The following ZBTB37 variants were observed in gnomAD, a reference collection of about 807,000 sequenced individuals.
The protein encoded by ZBTB37 is zinc finger and BTB domain containing 37, also known as zinc finger and BTB domain-containing protein 37.
ZBTB37 carries 15 observed loss-of-function variants against 37.7 expected under a neutral mutation model. The observed-to-expected ratio is 0.40, with a 90% CI of 0.27 to 0.61. The LOEUF (loss-of-function observed/expected upper bound fraction) is 0.61. ZBTB37 is among the 20% of genes least tolerant of loss of function. ZBTB37 has a pLI of 0.44. For missense variants in ZBTB37, 514 were observed against 641.9 expected (o/e 0.80, Z 2.15); for synonymous variants, 231 against 220.6 (o/e 1.05, Z -0.42).
At chr1:173,889,826 A>G (rs1656773695), downstream of ZBTB37, 1 of 152,248 alleles carries the variant, frequency 6.6e-6, no homozygotes, top group Admixed American at 6.5e-5. Flanking sequence ...CATAGAGGAT[A>G]AAGTTTGGGA....
At chr1:173,879,996 G>A (rs1656210250) in intron 4 of ZBTB37, among the ~76,000 whole-genome samples, 2 of 152,054 alleles carry the variant, frequency 1.3e-5, no homozygotes, top group Non-Finnish European at 2.9e-5. Context: ...ACACAAACTA[G>A]GCCACCTAGC....
At chr1:173,870,375 G>T in exon 3 of ZBTB37, 3 of 1,614,180 alleles carry the variant, frequency 1.9e-6, no homozygotes, top group Non-Finnish European at 1.7e-6. Context: ...AAGTGGTGCT[G>T]GCTGCCAGCT....
chr1:173,871,190 G>C (rs372303619), intron 3 of ZBTB37, 42 bp downstream of exon 3: 50 of 1,512,506 alleles, frequency 3.3e-5, no homozygotes, highest in Non-Finnish European at 3.2e-5. Flanking sequence ...AATGGCTATT[G>C]TGTAGACATC....
intron 4 of ZBTB37, 159 bp downstream of exon 4, chr1:173,873,725 T>C (rs1444254996): frequency 7.9e-7 from 1 of 1,267,412 alleles, no homozygotes; most frequent in Non-Finnish European, 1.0e-6. Flanking sequence ...AAGTTTAATA[T>C]TAAAATTATA....
intron 4 of ZBTB37, among the ~76,000 whole-genome samples, chr1:173,875,124 G>A (rs985642597): frequency 3.0e-5 from 2 of 66,676 alleles, no homozygotes; most frequent in Admixed American, 1.2e-4. Context: ...TTATGTGTGT[G>A]TGTGTGTGTG....
At chr1:173,871,185 C>G (rs1316557769) in intron 3 of ZBTB37, 37 bp downstream of exon 3, 2 of 1,528,666 alleles carry the variant, frequency 1.3e-6, no homozygotes, top group East Asian at 2.4e-5. Context: ...CATGTAATGG[C>G]TATTGTGTAG....
intron 4 of ZBTB37, among the ~76,000 whole-genome samples, chr1:173,874,621 G>A (rs549483919): frequency 1.5e-3 from 227 of 152,298 alleles, no homozygotes; most frequent in African/African-American, 5.2e-3. Context: ...AAAATGCTGG[G>A]ATTACAGGTG....
At chr1:173,868,985 G>A (rs777842602) in exon 2 of ZBTB37, 9 of 152,626 alleles carry the variant, frequency 5.9e-5, no homozygotes, top group Non-Finnish European at 8.8e-5. Context: ...TCCTCACTGG[G>A]GAATTGCCGG....
At chr1:173,880,113 C>T (rs1217057316) in intron 4 of ZBTB37, among the ~76,000 whole-genome samples, 1 of 152,182 alleles carries the variant, frequency 6.6e-6, no homozygotes, top group Non-Finnish European at 1.5e-5. Context: ...GCACACACTA[C>T]CCAAGTGCAT....
At chr1:173,874,065 G>C (rs1437111774) in intron 4 of ZBTB37, among the ~76,000 whole-genome samples, 1 of 152,010 alleles carries the variant, frequency 6.6e-6, no homozygotes, top group Admixed American at 6.5e-5. Context: ...AGACCAGCTT[G>C]ACCAACATGG....
At chr1:173,900,130 T>G (rs1657201816) in exon 4 of ZBTB37, 1 of 152,182 alleles carries the variant, frequency 6.6e-6, no homozygotes, top group Admixed American at 6.5e-5. Context: ...ATCCTGCCTG[T>G]GGTGATGGTA....
In ZBTB37 at chr1:173,880,048, A is replaced by G. The variant is rs530374568; in HGVS notation, c.1024-5588A>G. On this transcript the variant is annotated intron_variant, in intron 4 of 4. Coordinates refer to ENST00000427304, the Ensembl canonical transcript of ZBTB37. ...GTCCTACAAAGCCCAGACAAATACA[A>G]TAACTAATGGGGTGTGGGGGAAAGC... Among the ~76,000 whole-genome samples, 4 of 152,320 alleles carry G rather than the reference A, an allele frequency of 2.6e-5. No individual in the cohort carries two copies. In the South Asian group the frequency reaches 6.2e-4, roughly 24 times the overall value.
chr1:173,875,114 TTATGTG>T (rs1213461826), intron 4 of ZBTB37, among the ~76,000 whole-genome samples: 15 of 93,384 alleles, frequency 1.6e-4, no homozygotes, highest in African/African-American at 2.3e-4. Context: ...AGTCTGATTA[TTATGTG>T]TGTGTGTGTG....
At chr1:173,868,571 G>A (rs889486533) in intron 1 of ZBTB37, among the ~76,000 whole-genome samples, 166 bp downstream of exon 1, 1 of 152,086 alleles carries the variant, frequency 6.6e-6, no homozygotes, top group Admixed American at 6.5e-5. Context: ...CTTGGCCCCC[G>A]GCCGGGCTGA....
chr1:173,896,184 C>T (rs930604190), exon 4 of ZBTB37: 3 of 152,204 alleles, frequency 2.0e-5, no homozygotes, highest in African/African-American at 4.8e-5. Context: ...GGCTTTTAGG[C>T]ATAAAGATTA....
chr1:173,883,121 G>A (rs1656427432), intron 4 of ZBTB37, among the ~76,000 whole-genome samples: 1 of 152,124 alleles, frequency 6.6e-6, no homozygotes, highest in Non-Finnish European at 1.5e-5. Flanking sequence ...GTAATATTAT[G>A]CATTCATCGC....
chr1:173,886,438 A>G (rs770671938), exon 5 of ZBTB37: 6 of 323,128 alleles, frequency 1.9e-5, no homozygotes, highest in East Asian at 7.2e-5. Context: ...ATGGTCATTT[A>G]TCTATCAGTC....
chr1:173,869,830 T>C (rs1655408613), intron 2 of ZBTB37, among the ~76,000 whole-genome samples: 1 of 152,242 alleles, frequency 6.6e-6, no homozygotes, highest in Non-Finnish European at 1.5e-5. Context: ...AGAAAAGTTG[T>C]AAAGTTATGA....
At chr1:173,877,087 A>G (rs1322798624) in intron 4 of ZBTB37, among the ~76,000 whole-genome samples, 1 of 152,246 alleles carries the variant, frequency 6.6e-6, no homozygotes, top group Non-Finnish European at 1.5e-5. Flanking sequence ...CTAAACATAG[A>G]AACGATAGTG....
Sources: allele counts gnomAD v4.1 joint callset (sites outside exome capture counted in the v4.1 genomes callset), GRCh38; gene constraint gnomAD v4.1.1; transcripts MANE v1.5; gene names NCBI Gene and HGNC (gene_info 2026-07-23, HGNC 2026-07-21).